NAA38: variants seen among roughly 807,000 people sequenced by gnomAD.
NAA38 encodes the protein LSM domain containing 1.
In NAA38, 15 loss-of-function variants were observed where a neutral mutation model predicts 12.6. The observed-to-expected ratio is 1.19, with a 90% CI of 0.79 to 1.83. NAA38 has a LOEUF of 1.83. NAA38 is among the 40% of genes most tolerant of loss of function. The pLI is 0.00. For missense variants in NAA38, 183 were observed against 171.7 expected, an observed-to-expected ratio of 1.07 and a Z score of -0.37; for synonymous variants, 88 against 69.9, an observed-to-expected ratio of 1.26 and a Z score of -1.29.
chr17:7,885,337 G>GCCACCC (rs1555603873), upstream of NAA38: 1 of 180,740 alleles, frequency 5.5e-6, no homozygotes, highest in Non-Finnish European at 1.0e-5. Context: ...CGCCGCCGCC[G>GCCACCC]CCGCCGCCAC....
intron 2 of NAA38, among the ~76,000 whole-genome samples, chr17:7,868,144 C>T (rs76730553): frequency 0.068 from 10,332 of 152,168 alleles, 703 homozygotes; most frequent in East Asian, 0.38. Flanking sequence ...AGGATCAGAT[C>T]CCCTTAAGGA....
intron 2 of NAA38, among the ~76,000 whole-genome samples, chr17:7,867,930 G>C (rs780917587): frequency 1.3e-5 from 2 of 152,232 alleles, no homozygotes; most frequent in South Asian, 2.1e-4. Flanking sequence ...GGAGGATGGT[G>C]AGTCCACTGG....
At chr17:7,881,457 T>G (rs1311858170) in intron 2 of NAA38, among the ~76,000 whole-genome samples, 2 of 151,176 alleles carry the variant, frequency 1.3e-5, no homozygotes, top group African/African-American at 4.9e-5. Flanking sequence ...AAGGCAAACG[T>G]GAGAGAAGGC....
chr17:7,873,786 G>T (rs1967127114), intron 2 of NAA38, among the ~76,000 whole-genome samples: 2 of 152,096 alleles, frequency 1.3e-5, no homozygotes, highest in Admixed American at 1.3e-4. Flanking sequence ...TTTCAAGGGA[G>T]TTCTCATATG....
rs377079849 is a variant in NAA38 at position 7,884,457 on chromosome 17, C to CATATATATAT, written c.-167+698_-167+707dup. Among the ~76,000 whole-genome samples the CATATATATAT allele has an allele frequency of 4.3e-3, 558 of 130,792 alleles. 9 individuals are homozygous for CATATATATAT. In the East Asian group the frequency reaches 0.056, roughly 13 times the overall value. The allele number at this position is 130,792 out of a possible 152,430, so 85.8% of individuals were successfully genotyped here. A position where few individuals can be genotyped will look rare whatever the true frequency, so the allele number is the denominator to read the frequency against. On this transcript the variant is annotated intron_variant, in intron 1 of 4. Transcript: ENST00000576861. ...GAAGTCGAAAACTTTTATATATATACATATATATATATATATATATGTATA... is the reference window on the plus strand; with the variant it reads ...GAAGTCGAAAACTTTTATATATATACATATATATATATATATATATATATATATATGTATA...
chr17:7,875,233 T>C (rs1967155447), intron 2 of NAA38, among the ~76,000 whole-genome samples: 1 of 152,102 alleles, frequency 6.6e-6, no homozygotes, highest in Admixed American at 6.6e-5. Context: ...CCTCCATAAG[T>C]AATATTTTAA....
rs1482967932 is a variant in NAA38, at chr17:7,857,486, C to A, written c.-23G>T. On this transcript the variant is annotated 5_prime_UTR_variant, in exon 1 of 3. Transcript: ENST00000575771. ...CATTTGCCCGGAGGCCTCCTCTGGG[C>A]CTTTCAACTTCCTAAGCACCTTTCA... is the stretch of plus-strand genomic sequence containing the variant. The A allele has an allele frequency of 6.6e-7, 1 of 1,507,486 alleles. No individual in the cohort carries two copies. The highest frequency in any genetic ancestry group is 2.4e-5 in the East Asian group (1 of 42,510). The allele number at this position is 1,507,486 out of a possible 1,614,324, so 93.4% of individuals were successfully genotyped here. A position where few individuals can be genotyped will look rare whatever the true frequency, so the allele number is the denominator to read the frequency against.
upstream of NAA38, chr17:7,858,480 G>A: frequency 6.2e-7 from 1 of 1,614,218 alleles, no homozygotes; most frequent in African/African-American, 1.3e-5. Flanking sequence ...GACCAGAGAC[G>A]TGAGTTATGC....
At chr17:7,863,309 C>T (rs115886940) in intron 3 of NAA38, 222 of 152,100 alleles carry the variant, frequency 1.5e-3, no homozygotes, top group African/African-American at 4.9e-3. Context: ...GGGTCCAAGT[C>T]CTCTTGTGGT....
At chr17:7,885,040 G>T in intron 1 of NAA38, 1 of 1,114,032 alleles carries the variant, frequency 9.0e-7, no homozygotes, top group Non-Finnish European at 1.1e-6. Flanking sequence ...CGCCGCCGCC[G>T]CCGCCGCCAC....
upstream of NAA38, chr17:7,857,699 G>C: frequency 7.6e-7 from 1 of 1,309,848 alleles, no homozygotes; most frequent in Non-Finnish European, 9.7e-7. Context: ...CTTTACCTCT[G>C]GTTTCTTACA....
upstream of NAA38, chr17:7,857,841 T>C (rs931803000): frequency 1.5e-6 from 2 of 1,362,008 alleles, no homozygotes; most frequent in African/African-American, 2.9e-5. Flanking sequence ...AAACGGAGCG[T>C]ATTCGTTCTC....
exon 3 of NAA38, chr17:7,866,517 C>T (rs1966986042): frequency 2.4e-5 from 29 of 1,231,510 alleles, no homozygotes; most frequent in Non-Finnish European, 2.8e-5. Context: ...AGATTTGGCT[C>T]TTTCAGGCTC....
intron 2 of NAA38, among the ~76,000 whole-genome samples, chr17:7,876,551 TCA>T (rs1480740476): frequency 6.6e-6 from 1 of 152,202 alleles, no homozygotes; most frequent in African/African-American, 2.4e-5. Context: ...TATACAAATC[TCA>T]GTTATTTGGG....
intron 2 of NAA38, chr17:7,877,228 C>T (rs1248266191): frequency 1.5e-5 from 3 of 201,160 alleles, no homozygotes; most frequent in Non-Finnish European, 3.1e-5. Context: ...AACAATCCCC[C>T]TTGACTATTT....
At chr17:7,883,413 T>G (rs1288175472) in intron 1 of NAA38, 1 of 152,166 alleles carries the variant, frequency 6.6e-6, no homozygotes, top group African/African-American at 2.4e-5. Context: ...AAATTTGTTG[T>G]TTACCCCCCA....
chr17:7,884,896 G>C (rs1260250006), intron 1 of NAA38: 26 of 1,051,382 alleles, frequency 2.5e-5, no homozygotes, highest in Admixed American at 2.9e-5. Flanking sequence ...AGGGCGACGA[G>C]GAGGAGGAGG....
At chr17:7,857,780 C>G (rs947204759), upstream of NAA38, 1 of 1,290,366 alleles carries the variant, frequency 7.7e-7, no homozygotes, top group African/African-American at 1.5e-5. Context: ...TTTTCTGTCT[C>G]AGAGAGATAG....
chr17:7,857,261 G>C (rs759175259), intron 1 of NAA38, 63 bp from the exon 2 acceptor site: 1 of 1,609,772 alleles, frequency 6.2e-7, no homozygotes, highest in Non-Finnish European at 8.5e-7. Flanking sequence ...CGGAACCACA[G>C]CTCCCGGCAG....
Sources: gnomAD v4.1 joint callset for allele counts (sites outside exome capture counted in the v4.1 genomes callset) on GRCh38, gnomAD v4.1.1 for gene constraint, MANE v1.5 for transcripts, NCBI Gene and HGNC (gene_info 2026-07-23, HGNC 2026-07-21) for gene names.